ZFAND3: variants seen among roughly 807,000 people sequenced by gnomAD.
The protein encoded by ZFAND3 is zinc finger AN1-type containing 3, also known as AN1-type zinc finger protein 3.
ZFAND3 carries 10 observed loss-of-function variants against 29.6 expected under a neutral mutation model. The observed-to-expected ratio is 0.34, with a 90% CI of 0.21 to 0.57. The LOEUF (loss-of-function observed/expected upper bound fraction) is 0.57, where lower values mean the gene tolerates loss of function less well. ZFAND3 is among the 20% of genes least tolerant of loss of function. The pLI is 0.86. For synonymous variants in ZFAND3, 128 were observed against 112.6 expected, an observed-to-expected ratio of 1.14 and a Z score of -0.87; for missense variants, 230 against 304.5, an observed-to-expected ratio of 0.76 and a Z score of 1.82.
intron 5 of ZFAND3, among the ~76,000 whole-genome samples, chr6:38,139,317 T>G (rs993879188): frequency 3.3e-5 from 5 of 152,148 alleles, no homozygotes; most frequent in Non-Finnish European, 5.9e-5. Context: ...GGATAGAGGA[T>G]ATGTGATAAA....
chr6:38,019,890 T>G (rs1418135122), intron 2 of ZFAND3, among the ~76,000 whole-genome samples: 2 of 152,038 alleles, frequency 1.3e-5, no homozygotes, highest in Non-Finnish European at 2.9e-5. Flanking sequence ...CCCAGCTAAT[T>G]TTTGTATTTT....
At chr6:37,878,909 G>A (rs968444871) in intron 1 of ZFAND3, among the ~76,000 whole-genome samples, 8 of 152,208 alleles carry the variant, frequency 5.3e-5, no homozygotes, top group Non-Finnish European at 1.2e-4. Flanking sequence ...TGTTTCTCCA[G>A]GACAGGTCAG....
chr6:38,040,928 C>A (rs1413965079), intron 2 of ZFAND3, among the ~76,000 whole-genome samples: 1 of 152,132 alleles, frequency 6.6e-6, no homozygotes, highest in Non-Finnish European at 1.5e-5. Context: ...CAGTAATATC[C>A]TTTTTAAAGA....
chr6:38,074,747 C>T lies in ZFAND3; in HGVS notation c.296-7645C>T, dbSNP rs185439477. 3.1e-3 allele frequency among the ~76,000 whole-genome samples: 470 copies of T among 152,316 alleles called. 3 individuals carry two copies. The highest frequency in any genetic ancestry group is 0.011 in the African/African-American group (447 of 41,574). Reference sequence around the variant, plus strand: ...GGAAGAAGATGCCATCCAGGACTTACAGGAGGAAAAGTCAGTCCCTGGCTT... The same window carrying T: ...GGAAGAAGATGCCATCCAGGACTTATAGGAGGAAAAGTCAGTCCCTGGCTT... On this transcript the variant is annotated intron_variant, in intron 3 of 5. Transcript: ENST00000287218.
chr6:37,901,673 A>G (rs570434794), intron 1 of ZFAND3, among the ~76,000 whole-genome samples: 2 of 152,356 alleles, frequency 1.3e-5, no homozygotes, highest in South Asian at 2.1e-4. Context: ...GAAATCATCA[A>G]TTACTAACTT....
intron 2 of ZFAND3, among the ~76,000 whole-genome samples, chr6:37,940,807 C>T (rs1468201300): frequency 6.6e-6 from 1 of 152,078 alleles, no homozygotes; most frequent in Non-Finnish European, 1.5e-5. Flanking sequence ...AGAAAAAATA[C>T]CTTAAGACTT....
intron 2 of ZFAND3, among the ~76,000 whole-genome samples, chr6:37,994,378 A>T (rs1403766421): frequency 6.6e-6 from 1 of 152,128 alleles, no homozygotes; most frequent in Non-Finnish European, 1.5e-5. Context: ...GTGAATGGGG[A>T]TATTTATGAG....
intron 5 of ZFAND3, among the ~76,000 whole-genome samples, chr6:38,125,380 G>T (rs1221943696): frequency 6.6e-6 from 1 of 152,194 alleles, no homozygotes; most frequent in Non-Finnish European, 1.5e-5. Context: ...GACTGTCCCA[G>T]AGACCCAGCC....
At chr6:37,878,931 A>G (rs1311121234) in intron 1 of ZFAND3, among the ~76,000 whole-genome samples, 3 of 152,198 alleles carry the variant, frequency 2.0e-5, no homozygotes, top group Non-Finnish European at 2.9e-5. Flanking sequence ...TGCTCCAGGT[A>G]ACCTTTCCCA....
Position 38,041,927 on chromosome 6 carries a change from C to T in ZFAND3, c.113-19666C>T, listed in dbSNP as rs137904508. On this transcript the variant is annotated intron_variant, in intron 2 of 5. Transcript: ENST00000287218. ...TCTCGCCTCACCGCAGCCTCTGCCT[C>T]CCAGGTTGAAGTGATTCTTGTGCCT... Among the ~76,000 whole-genome samples, 709 of 149,242 alleles carry T rather than the reference C, an allele frequency of 4.8e-3. 7 individuals carry two copies. Among genetic ancestry groups the T allele is most frequent in the African/African-American group, 0.014 (582 of 40,342 alleles).
intron 1 of ZFAND3, among the ~76,000 whole-genome samples, chr6:37,862,596 G>A (rs994373393): frequency 1.3e-5 from 2 of 151,752 alleles, no homozygotes; most frequent in African/African-American, 4.8e-5. Context: ...AGGTGGGCGG[G>A]CTCACTTGAG....
chr6:38,144,192 TATATATATATATATATATAATATATA>T (rs1273452365), intron 5 of ZFAND3, among the ~76,000 whole-genome samples: 11 of 40,812 alleles, frequency 2.7e-4, no homozygotes, highest in Admixed American at 7.9e-4. Context: ...ATAATATATA[TATATATATATATATATATAATATATA>T]ATATATATAT....
chr6:38,040,139 T>C (rs907421494), intron 2 of ZFAND3, among the ~76,000 whole-genome samples: 15 of 152,194 alleles, frequency 9.9e-5, no homozygotes, highest in Non-Finnish European at 2.1e-4. Flanking sequence ...TTTCGTTGTC[T>C]GTATGTAGAT....
At chr6:38,110,004 G>A (rs774163004) in intron 4 of ZFAND3, among the ~76,000 whole-genome samples, 1 of 152,178 alleles carries the variant, frequency 6.6e-6, no homozygotes, top group Non-Finnish European at 1.5e-5. Flanking sequence ...CCAATCTTGT[G>A]TTCCCAGGAG....
chr6:37,981,057 G>A (rs536561284), intron 2 of ZFAND3, among the ~76,000 whole-genome samples: 23 of 152,310 alleles, frequency 1.5e-4, no homozygotes, highest in African/African-American at 4.8e-4. Context: ...GGAGCAGGGG[G>A]TACATTTAAA....
intron 2 of ZFAND3, among the ~76,000 whole-genome samples, chr6:38,012,442 G>A (rs1348944141): frequency 1.3e-5 from 2 of 148,642 alleles, no homozygotes; most frequent in South Asian, 2.1e-4. Flanking sequence ...GCAGTGGCGC[G>A]ATCTTGGCTC....
chr6:37,841,843 A>G (rs1764082881), intron 1 of ZFAND3, among the ~76,000 whole-genome samples: 1 of 152,212 alleles, frequency 6.6e-6, no homozygotes, highest in Admixed American at 6.5e-5. Flanking sequence ...CAAGCATAGT[A>G]TTCAGTGAGT....
chr6:38,066,191 G>C (rs992504518), intron 3 of ZFAND3, among the ~76,000 whole-genome samples: 2 of 152,182 alleles, frequency 1.3e-5, no homozygotes, highest in Admixed American at 6.5e-5. Flanking sequence ...AGAATATGGC[G>C]TAAGAAAAGT....
intron 2 of ZFAND3, among the ~76,000 whole-genome samples, chr6:37,946,166 G>GT (rs925350279): frequency 4.6e-5 from 7 of 152,168 alleles, no homozygotes; most frequent in Admixed American, 2.0e-4. Context: ...ATACAAGTCT[G>GT]TTTTTTAAAA....
Sources: gnomAD v4.1 joint callset for allele counts (sites outside exome capture counted in the v4.1 genomes callset) on GRCh38, gnomAD v4.1.1 for gene constraint, MANE v1.5 for transcripts, NCBI Gene and HGNC (gene_info 2026-07-23, HGNC 2026-07-21) for gene names.